DTD1: variants seen among roughly 807,000 people sequenced by gnomAD.
DTD1 encodes D-aminoacyl-tRNA deacylase 1.
Under a neutral mutation model 25.6 loss-of-function variants are expected in DTD1, and 13 were observed. That is an observed-to-expected ratio of 0.51 (90% CI 0.33 to 0.81). The LOEUF (loss-of-function observed/expected upper bound fraction) is 0.81. Ranked by LOEUF, DTD1 falls within the 30% of genes least tolerant of loss-of-function variation. The pLI is 0.02. For missense variants in DTD1, 193 were observed against 266.4 expected, an observed-to-expected ratio of 0.72 and a Z score of 1.92; for synonymous variants, 110 against 103.6, an observed-to-expected ratio of 1.06 and a Z score of -0.37.
intron 4 of DTD1, among the ~76,000 whole-genome samples, chr20:18,657,898 C>T (rs1019564236): frequency 2.0e-5 from 3 of 152,068 alleles, no homozygotes; most frequent in African/African-American, 4.8e-5. Flanking sequence ...TTCAGGGCCT[C>T]GCCTTGCAAA....
At chr20:18,608,237 T>C (rs1230415646) in intron 3 of DTD1, among the ~76,000 whole-genome samples, 1 of 152,130 alleles carries the variant, frequency 6.6e-6, no homozygotes. Flanking sequence ...ATTTTCGATA[T>C]TGGTGATTTG....
intron 3 of DTD1, among the ~76,000 whole-genome samples, chr20:18,609,723 C>G (rs1257429033): frequency 6.6e-6 from 1 of 152,154 alleles, no homozygotes; most frequent in African/African-American, 2.4e-5. Context: ...TACATGGATT[C>G]TAGATGAACA....
intron 4 of DTD1, among the ~76,000 whole-genome samples, chr20:18,635,566 C>G (rs1221799618): frequency 6.6e-6 from 1 of 152,204 alleles, no homozygotes; most frequent in African/African-American, 2.4e-5. Context: ...GCCCAGCCCA[C>G]TGCTCTGCAC....
At chr20:18,606,785 G>T (rs1428136240) in intron 3 of DTD1, among the ~76,000 whole-genome samples, 1 of 130,604 alleles carries the variant, frequency 7.7e-6, no homozygotes, top group Non-Finnish European at 1.6e-5. Flanking sequence ...TGGTGGGGGG[G>T]GGGAGGGGGG....
intron 4 of DTD1, among the ~76,000 whole-genome samples, chr20:18,684,181 A>G (rs1031978385): frequency 1.3e-5 from 2 of 151,868 alleles, no homozygotes; most frequent in African/African-American, 4.8e-5. Flanking sequence ...CCACCAAAGT[A>G]TGTGGATCTC....
chr20:18,688,003 C>G (rs1568669367), intron 4 of DTD1, among the ~76,000 whole-genome samples: 1 of 152,182 alleles, frequency 6.6e-6, no homozygotes. Flanking sequence ...TTGATTCTCC[C>G]TTCACCATTC....
rs532428522 is a variant in DTD1, at chr20:18,730,780, A to G, written c.478-13320A>G. Among the ~76,000 whole-genome samples, 11 of 152,274 alleles carry G rather than the reference A, an allele frequency of 7.2e-5. No individual in the cohort carries two copies. The South Asian group carries it at 2.1e-3, about 29-fold the overall frequency. On this transcript the variant is annotated intron_variant, in intron 4 of 5. Transcript: ENST00000377452. ...ATTCTCAAGAGGCTGGAACTCTTTT[A>G]TGAGTCATTTATTCATTTATTTTTT... is the stretch of plus-strand genomic sequence containing the variant.
chr20:18,738,311 T>C (rs1111033), intron 4 of DTD1, among the ~76,000 whole-genome samples: 126,160 of 152,114 alleles, frequency 0.83, 53,432 homozygotes, highest in Non-Finnish European at 0.93. Context: ...TGCTGGGCGT[T>C]GCTGTCTTGT....
chr20:18,689,561 G>A (rs927877630), intron 4 of DTD1, among the ~76,000 whole-genome samples: 3 of 152,086 alleles, frequency 2.0e-5, no homozygotes, highest in African/African-American at 7.2e-5. Context: ...TTTGGACAGT[G>A]GCATATGGAG....
Position 18,738,312 on chromosome 20 carries a change from G to A in DTD1, c.478-5788G>A, listed in dbSNP as rs76367344. On this transcript the variant is annotated intron_variant, in intron 4 of 5. Transcript: ENST00000377452. ...AAGTCACATGACCTTGCTGGGCGTT[G>A]CTGTCTTGTTTATGTCCATGGGCAT... 8.7e-3 allele frequency among the ~76,000 whole-genome samples: 1,332 copies of A among 152,272 alleles called. 13 individuals are homozygous for A. Among genetic ancestry groups the A allele is most frequent in the South Asian group, 0.035 (167 of 4,814 alleles).
chr20:18,631,865 A>G lies in DTD1; in HGVS notation c.477+3632A>G, dbSNP rs577825997. ...TTTTCTGGAAATGGTAGAATAGTAC[A>G]TTTTGCCTTTAGAATCTTCACCTTT... On this transcript the variant is annotated intron_variant, in intron 4 of 5. Coordinates refer to ENST00000377452, the MANE Select transcript of DTD1 (RefSeq NM_080820.6). The G allele has an allele frequency of 1.9e-5, 19 of 985,160 alleles. No homozygotes were observed. The South Asian group carries it at 7.5e-4, about 39-fold the overall frequency. 61.0% of individuals were successfully genotyped at this position (985,160 alleles called of 1,614,324 possible).
intron 4 of DTD1, chr20:18,692,118 T>A (rs2061049924): frequency 6.6e-6 from 1 of 152,190 alleles, no homozygotes; most frequent in South Asian, 2.1e-4. Flanking sequence ...TTACCAATGA[T>A]GTGAGAGCCA....
chr20:18,622,818 C>T lies in DTD1; in HGVS notation c.371-5309C>T, dbSNP rs372746524. ...GAACTTGTTAGTGATCTCTTTGGGC[C>T]GGCTTCCTTGGCTGTTGCCAAGGAA... On this transcript the variant is annotated intron_variant, in intron 3 of 5. Transcript: ENST00000377452. Among the ~76,000 whole-genome samples, 18 of 152,218 alleles carry T rather than the reference C, an allele frequency of 1.2e-4. No individual in the cohort carries two copies. In the South Asian group the frequency reaches 2.5e-3, roughly 21 times the overall value.
At chr20:18,660,401 T>G (rs188084929) in intron 4 of DTD1, among the ~76,000 whole-genome samples, 105 of 152,044 alleles carry the variant, frequency 6.9e-4, no homozygotes, top group African/African-American at 2.2e-3. Context: ...TGTATTTTTT[T>G]GTGGAGACAG....
Position 18,734,828 on chromosome 20 carries a change from G to A in DTD1, c.478-9272G>A, listed in dbSNP as rs1295990888. 2.0e-5 allele frequency among the ~76,000 whole-genome samples: 3 copies of A among 152,144 alleles called. No homozygotes were observed. The East Asian group carries it at 5.8e-4, about 29-fold the overall frequency. On this transcript the variant is annotated intron_variant, in intron 4 of 5. Coordinates refer to ENST00000377452, the MANE Select transcript of DTD1 (RefSeq NM_080820.6). ...CTCAGAAAGGACAGTGAGCATTGTG[G>A]AGATAAATTTCTAAAGCTATTGAAA...
chr20:18,618,641 A>G (rs965062564), intron 3 of DTD1, among the ~76,000 whole-genome samples: 3 of 150,388 alleles, frequency 2.0e-5, no homozygotes, highest in African/African-American at 7.3e-5. Flanking sequence ...ATATAATTAT[A>G]CACATATATG....
At chr20:18,647,104 T>C (rs1210429723) in intron 4 of DTD1, among the ~76,000 whole-genome samples, 1 of 152,216 alleles carries the variant, frequency 6.6e-6, no homozygotes, top group Non-Finnish European at 1.5e-5. Flanking sequence ...AAATAACAAA[T>C]GCAAATAACT....
chr20:18,651,125 C>T (rs899453341), intron 4 of DTD1, among the ~76,000 whole-genome samples: 3 of 152,160 alleles, frequency 2.0e-5, no homozygotes, highest in Admixed American at 2.0e-4. Flanking sequence ...AAAGCTGTTA[C>T]AACAGCTGGT....
intron 5 of DTD1, among the ~76,000 whole-genome samples, chr20:18,745,566 G>A (rs1186251736): frequency 6.6e-6 from 1 of 152,206 alleles, no homozygotes; most frequent in Non-Finnish European, 1.5e-5. Context: ...AGGACAGGTG[G>A]CAGTGGGGAG....
Sources: gnomAD v4.1 joint callset for allele counts (sites outside exome capture counted in the v4.1 genomes callset) on GRCh38, gnomAD v4.1.1 for gene constraint, MANE v1.5 for transcripts, NCBI Gene and HGNC (gene_info 2026-07-23, HGNC 2026-07-21) for gene names.